Variants in PCNX1 observed in about 807,000 individuals in gnomAD.
PCNX1 encodes pecanex-like protein 1.
PCNX1 carries 78 observed loss-of-function variants against 242.2 expected under a neutral mutation model. That is an observed-to-expected ratio of 0.32 (90% CI 0.27 to 0.39). The LOEUF (loss-of-function observed/expected upper bound fraction) is 0.39, where lower values mean the gene tolerates loss of function less well. Ranked by LOEUF, PCNX1 falls within the 10% of genes least tolerant of loss-of-function variation. The probability of loss-of-function intolerance (pLI) is 1.00; values close to 1 mark genes in which losing one functional copy is unlikely to be tolerated. For synonymous variants in PCNX1, 1,024 were observed against 1,032.9 expected (o/e 0.99, Z 0.17); for missense variants, 2,581 against 2,856.5 (o/e 0.90, Z 2.20).
intron 1 of PCNX1, among the ~76,000 whole-genome samples, chr14:70,942,359 T>G (rs2057287615): frequency 6.6e-6 from 1 of 152,204 alleles, no homozygotes; most frequent in Admixed American, 6.5e-5. Context: ...ACTTGTAAAT[T>G]TAGTATTCAT....
chr14:71,082,467 C>T (rs1157621426), intron 28 of PCNX1, among the ~76,000 whole-genome samples: 1 of 152,018 alleles, frequency 6.6e-6, no homozygotes, highest in Non-Finnish European at 1.5e-5. Context: ...TAAAATCTCC[C>T]ACTATGATTG....
At chr14:71,055,432 T>C in intron 24 of PCNX1, 72 bp from the exon 25 acceptor site, 1 of 871,274 alleles carries the variant, frequency 1.1e-6, no homozygotes, top group South Asian at 1.5e-5. Flanking sequence ...TCCTATAGTT[T>C]CTTCCTCAGT....
At chr14:70,985,928 TTTTC>T (rs1796145458) in intron 6 of PCNX1, among the ~76,000 whole-genome samples, 1 of 151,778 alleles carries the variant, frequency 6.6e-6, no homozygotes, top group Admixed American at 6.6e-5. Context: ...GGTTCACTAT[TTTTC>T]TTCTATAAAG....
chr14:70,915,250 C>G (rs2056103852), intron 1 of PCNX1, among the ~76,000 whole-genome samples: 1 of 152,112 alleles, frequency 6.6e-6, no homozygotes, highest in Non-Finnish European at 1.5e-5. Context: ...TAGGTTTTAT[C>G]AGAACTCAAA....
At chr14:71,046,689 A>G (rs1057319426) in intron 20 of PCNX1, among the ~76,000 whole-genome samples, 1 of 152,060 alleles carries the variant, frequency 6.6e-6, no homozygotes, top group African/African-American at 2.4e-5. Context: ...TCTTTTTTCA[A>G]TAAGTTATAA....
chr14:70,945,093 G>T (rs1400997073), intron 1 of PCNX1, among the ~76,000 whole-genome samples: 2 of 152,114 alleles, frequency 1.3e-5, no homozygotes, highest in Non-Finnish European at 2.9e-5. Context: ...TGGGACTTCA[G>T]TCCAACCCTC....
At chr14:70,959,574 G>A (rs2058129217) in intron 2 of PCNX1, among the ~76,000 whole-genome samples, 2 of 151,354 alleles carry the variant, frequency 1.3e-5, no homozygotes, top group Admixed American at 1.3e-4. Flanking sequence ...ATTTTTTATG[G>A]CTGCATAGTA....
chr14:70,990,595 A>C (rs374109465), intron 7 of PCNX1, among the ~76,000 whole-genome samples: 27 of 152,098 alleles, frequency 1.8e-4, no homozygotes, highest in African/African-American at 6.5e-4. Context: ...TCTTTCATAG[A>C]TCATGTTCCT....
chr14:70,930,376 C>G (rs1378309942), intron 1 of PCNX1, among the ~76,000 whole-genome samples: 1 of 152,168 alleles, frequency 6.6e-6, no homozygotes, highest in Non-Finnish European at 1.5e-5. Flanking sequence ...GTAATAGACT[C>G]AATCTCTGTT....
At chr14:71,080,947 G>A (rs947856757) in intron 28 of PCNX1, among the ~76,000 whole-genome samples, 20 of 152,084 alleles carry the variant, frequency 1.3e-4, no homozygotes, top group South Asian at 2.1e-4. Flanking sequence ...GTCTTGTGCC[G>A]GTTTTCAAAG....
chr14:71,030,596 A>G (rs145948801), intron 16 of PCNX1, among the ~76,000 whole-genome samples: 19 of 152,288 alleles, frequency 1.2e-4, no homozygotes, highest in South Asian at 4.1e-4. Context: ...ATGTCCTTCA[A>G]TGCTTTGTTT....
chr14:70,976,822 A>G, intron 5 of PCNX1, 120 bp from the exon 6 acceptor site: 1 of 825,560 alleles, frequency 1.2e-6, no homozygotes, highest in South Asian at 1.8e-5. Flanking sequence ...TCTTTGGAGA[A>G]CTACTTGAGA....
intron 28 of PCNX1, among the ~76,000 whole-genome samples, chr14:71,077,537 A>ATACTCC (rs1471093548): frequency 7.9e-5 from 12 of 152,268 alleles, no homozygotes; most frequent in African/African-American, 2.6e-4. Flanking sequence ...TTACTCCATC[A>ATACTCC]ATAAGAACAG....
intron 4 of PCNX1, 68 bp from the exon 5 acceptor site, chr14:70,968,953 C>A: frequency 2.3e-6 from 2 of 874,688 alleles, no homozygotes; most frequent in South Asian, 1.4e-5. Context: ...ATTAATACTC[C>A]TTGGTTATGC....
At chr14:70,924,035 A>C (rs1201607933) in intron 1 of PCNX1, among the ~76,000 whole-genome samples, 1 of 152,110 alleles carries the variant, frequency 6.6e-6, no homozygotes, top group Admixed American at 6.5e-5. Context: ...GTTCGAGACT[A>C]GCCTGGGCTC....
chr14:70,918,158 C>T (rs910836441), intron 1 of PCNX1, among the ~76,000 whole-genome samples: 11 of 152,188 alleles, frequency 7.2e-5, no homozygotes, highest in African/African-American at 2.7e-4. Flanking sequence ...TCCATATCAG[C>T]AATGTTATTC....
chr14:71,063,212 T>G (rs1214809629), intron 26 of PCNX1, among the ~76,000 whole-genome samples: 3 of 152,192 alleles, frequency 2.0e-5, no homozygotes, highest in Non-Finnish European at 4.4e-5. Context: ...CAGTAAATAT[T>G]TTAGGGTTTG....
chr14:70,912,951 C>G (rs2055989329), intron 1 of PCNX1, among the ~76,000 whole-genome samples: 2 of 152,218 alleles, frequency 1.3e-5, no homozygotes, highest in African/African-American at 2.4e-5. Flanking sequence ...TAGGGCTGGA[C>G]TTCAGTATTA....
chr14:70,949,604 C>A (rs1189144740), intron 2 of PCNX1, among the ~76,000 whole-genome samples: 2 of 151,976 alleles, frequency 1.3e-5, no homozygotes, highest in African/African-American at 4.8e-5. Flanking sequence ...TGTTTCTTTC[C>A]TAGATCTTTG....
Sources: allele counts gnomAD v4.1 joint callset (sites outside exome capture counted in the v4.1 genomes callset), GRCh38; gene constraint gnomAD v4.1.1; transcripts MANE v1.5; gene names NCBI Gene and HGNC (gene_info 2026-07-23, HGNC 2026-07-21).